Variants in CDYL observed in about 807,000 individuals in gnomAD.
CDYL encodes the protein chromodomain Y-like protein.
A neutral mutation model predicts 47.3 loss-of-function variants in CDYL; 8 were observed. The observed-to-expected ratio is 0.17, with a 90% CI of 0.10 to 0.31. The LOEUF (loss-of-function observed/expected upper bound fraction) is 0.31, where lower values mean the gene tolerates loss of function less well. CDYL is among the 10% of genes least tolerant of loss of function. The probability of loss-of-function intolerance (pLI) is 1.00; values close to 1 mark genes in which losing one functional copy is unlikely to be tolerated. For synonymous variants in CDYL, 266 were observed against 265.0 expected, an observed-to-expected ratio of 1.00 and a Z score of -0.04; for missense variants, 471 against 701.4, an observed-to-expected ratio of 0.67 and a Z score of 3.71.
At chr6:4,834,844 C>T (rs1392257776) in intron 1 of CDYL, among the ~76,000 whole-genome samples, 1 of 152,092 alleles carries the variant, frequency 6.6e-6, no homozygotes, top group East Asian at 1.9e-4. Flanking sequence ...TCGCTGATAC[C>T]CTTTCTTCCA....
chr6:4,867,940 G>A (rs1326687620), intron 1 of CDYL, among the ~76,000 whole-genome samples: 1 of 151,942 alleles, frequency 6.6e-6, no homozygotes, highest in Non-Finnish European at 1.5e-5. Context: ...TCTGCCAGGT[G>A]TAGGTAGTGA....
intron 2 of CDYL, among the ~76,000 whole-genome samples, chr6:4,922,279 G>A (rs1757739911): frequency 6.6e-6 from 1 of 152,104 alleles, no homozygotes; most frequent in Admixed American, 6.5e-5. Context: ...GACCTCCTGT[G>A]ACCACCTTGC....
chr6:4,712,963 G>C (rs78065153), intron 1 of CDYL, among the ~76,000 whole-genome samples: 3 of 152,142 alleles, frequency 2.0e-5, no homozygotes, highest in Non-Finnish European at 4.4e-5. Flanking sequence ...TTGCCAACAC[G>C]GCAAGACCCC....
intron 2 of CDYL, among the ~76,000 whole-genome samples, chr6:4,902,508 C>T (rs1757097828): frequency 6.6e-6 from 1 of 152,038 alleles, no homozygotes; most frequent in African/African-American, 2.4e-5. Context: ...AAACAGTACA[C>T]AGTCATCCTC....
At chr6:4,900,779 G>GTGTGTGTGTATATATATATATATA in intron 2 of CDYL, among the ~76,000 whole-genome samples, 5 of 51,710 alleles carry the variant, frequency 9.7e-5, no homozygotes, top group East Asian at 6.0e-4. Flanking sequence ...GTATACGTGT[G>GTGTGTGTGTATATATATATATATA]TATATATATA....
chr6:4,846,342 G>A (rs891217134), intron 1 of CDYL, among the ~76,000 whole-genome samples: 10 of 152,274 alleles, frequency 6.6e-5, no homozygotes, highest in African/African-American at 2.2e-4. Context: ...CGGAAATGTA[G>A]TACTTATTAA....
At chr6:4,857,430 G>A (rs952359952) in intron 1 of CDYL, among the ~76,000 whole-genome samples, 7 of 152,192 alleles carry the variant, frequency 4.6e-5, no homozygotes, top group Non-Finnish European at 7.3e-5. Flanking sequence ...ACTTCCCTTC[G>A]TGGGGCAAAA....
At chr6:4,889,871 G>A (rs889728936) in intron 1 of CDYL, 7 of 652,166 alleles carry the variant, frequency 1.1e-5, no homozygotes, top group East Asian at 1.4e-4. Flanking sequence ...CGTTAGCTGC[G>A]GAGGCTACTG....
rs1036947625 is a variant in CDYL at position 4,837,463 on chromosome 6, G to A, written c.25-54250G>A. On this transcript the variant is annotated intron_variant, in intron 1 of 6. Transcript: ENST00000397588. ...AGTAAATACTCTTTTTTTTGTTGTC[G>A]TTGTTTTTTTTTTTTTTTGGAGACA... 2.4e-4 allele frequency among the ~76,000 whole-genome samples: 35 copies of A among 146,662 alleles called. 1 individual carries two copies. The highest frequency in any genetic ancestry group is 1.8e-3 in the South Asian group (8 of 4,492).
intron 1 of CDYL, among the ~76,000 whole-genome samples, chr6:4,792,921 T>G (rs1241840780): frequency 3.3e-5 from 5 of 152,294 alleles, no homozygotes; most frequent in Admixed American, 1.3e-4. Flanking sequence ...AGGCACTGTT[T>G]AGTAAATAGA....
At chr6:4,868,953 A>G (rs1761398395) in intron 1 of CDYL, among the ~76,000 whole-genome samples, 1 of 152,068 alleles carries the variant, frequency 6.6e-6, no homozygotes, top group Non-Finnish European at 1.5e-5. Flanking sequence ...ATACCCATAC[A>G]GTCACTTCTT....
At chr6:4,801,715 T>C (rs765494268) in intron 1 of CDYL, among the ~76,000 whole-genome samples, 6 of 152,200 alleles carry the variant, frequency 3.9e-5, no homozygotes, top group Admixed American at 6.5e-5. Flanking sequence ...GTCTTTATTC[T>C]GGGGATTCCC....
At chr6:4,717,531 TA>T (rs34096281) in intron 2 of CDYL, among the ~76,000 whole-genome samples, 11,660 of 148,296 alleles carry the variant, frequency 0.079, 473 homozygotes, top group East Asian at 0.15. Context: ...GCTCCATCTC[TA>T]AAAAAAAAAT....
chr6:4,837,744 C>T (rs185654286), intron 1 of CDYL, among the ~76,000 whole-genome samples: 1 of 150,872 alleles, frequency 6.6e-6, no homozygotes. Flanking sequence ...CTTACAGGCA[C>T]ATGAGCCACC....
chr6:4,760,983 CAA>C (rs1311599504), intron 3 of CDYL, among the ~76,000 whole-genome samples: 1 of 152,066 alleles, frequency 6.6e-6, no homozygotes, highest in Non-Finnish European at 1.5e-5. Flanking sequence ...CAATTTGATG[CAA>C]AGTGTTACGT....
At chr6:4,795,756 T>A (rs916064731) in intron 1 of CDYL, among the ~76,000 whole-genome samples, 3 of 152,072 alleles carry the variant, frequency 2.0e-5, no homozygotes, top group Admixed American at 1.3e-4. Flanking sequence ...TTCTGTTGCA[T>A]CCTTGTCTTT....
intron 2 of CDYL, among the ~76,000 whole-genome samples, chr6:4,925,918 C>T (rs1035228972): frequency 2.6e-5 from 4 of 152,130 alleles, no homozygotes; most frequent in African/African-American, 9.7e-5. Context: ...ATCGTTTTCC[C>T]CTGTACTAGA....
intron 1 of CDYL, among the ~76,000 whole-genome samples, chr6:4,854,550 G>A (rs1256558903): frequency 1.3e-5 from 2 of 152,162 alleles, no homozygotes; most frequent in African/African-American, 4.8e-5. Context: ...GGATAAAGAC[G>A]CCAAGTCTTC....
At chr6:4,860,177 A>G (rs1761124035) in intron 1 of CDYL, among the ~76,000 whole-genome samples, 1 of 152,140 alleles carries the variant, frequency 6.6e-6, no homozygotes, top group Non-Finnish European at 1.5e-5. Context: ...CTGGAATTAC[A>G]GACGTGAGCC....
Sources: allele counts gnomAD v4.1 joint callset (sites outside exome capture counted in the v4.1 genomes callset), GRCh38; gene constraint gnomAD v4.1.1; transcripts MANE v1.5; gene names NCBI Gene and HGNC (gene_info 2026-07-23, HGNC 2026-07-21).